The following CBARP variants were observed in gnomAD, a reference collection of about 807,000 sequenced individuals.
CBARP encodes CACN subunit beta associated regulatory protein.
In CBARP, 24 loss-of-function variants were observed where a neutral mutation model predicts 36.3. That is an observed-to-expected ratio of 0.66 (90% CI 0.48 to 0.93). CBARP has a LOEUF of 0.93. Among genes scored for constraint, CBARP ranks in the 40% least tolerant of loss-of-function variants. The probability of loss-of-function intolerance (pLI) is 0.00; values close to 1 mark genes in which losing one functional copy is unlikely to be tolerated. For missense variants in CBARP, 1,146 were observed against 980.4 expected (o/e 1.17, Z -2.26); for synonymous variants, 586 against 453.2 (o/e 1.29, Z -3.72).
intron 9 of CBARP, 144 bp downstream of exon 9, chr19:1,230,957 C>T: frequency 6.4e-7 from 1 of 1,573,156 alleles, no homozygotes. Flanking sequence ...AGTGAGTCCG[C>T]CTCTGGGAGG....
At chr19:1,233,717 G>C in intron 7 of CBARP, 81 bp from the exon 8 acceptor site, 1 of 1,350,454 alleles carries the variant, frequency 7.4e-7, no homozygotes, top group Admixed American at 2.3e-5. Flanking sequence ...GTAGGTCTGA[G>C]AGACAGTCCC....
At position 1,236,024 on chromosome 19, in the gene CBARP, G is replaced by T; in HGVS notation, c.77C>A (p.Ser26Ter). The T allele has an allele frequency of 6.5e-7, 1 of 1,544,164 alleles. No individual in the cohort carries two copies. The change falls in exon 2 of 10, where the codon TCG becomes TAG. Residue 26 changes from serine to a stop codon, truncating the protein, a stop_gained. Transcript: ENST00000650044. LOFTEE classifies it high-confidence loss of function. ...TTTATVALTT[S>*]WDNATGRPTA... ...GGGGCGTCCAGTGGCATTGTCCCAC[G>T]ACGTCGTCAGGGCTACTGTGGCAGT...
chr19:1,230,029 C>CGCTCGGCGTCCG lies in CBARP; in HGVS notation c.1256_1267dup (p.Pro419_Glu422dup). ...CTGGGCCTGCTCGGGGCCCGCGTCC[C>CGCTCGGCGTCCG]GCTCGGCGTCCGGCTCCAGTGGCGG... On this transcript the variant is annotated inframe_insertion, in exon 10 of 10. Coordinates refer to ENST00000650044, the MANE Select transcript of CBARP (RefSeq NM_001393918.1). 8.2e-7 allele frequency: 1 copy of CGCTCGGCGTCCG among 1,226,602 alleles called. No homozygotes were observed. The highest frequency in any genetic ancestry group is 1.6e-5 in the African/African-American group (1 of 60,854). 76.0% of individuals were successfully genotyped at this position (1,226,602 alleles called of 1,614,324 possible).
At position 1,234,997 on chromosome 19, in the gene CBARP, T is replaced by C. The variant is rs1180357499; in HGVS notation, c.455+4A>G. On this transcript the variant is annotated splice_donor_region_variant and intron_variant, in intron 5 of 9. Coordinates refer to ENST00000650044, the MANE Select transcript of CBARP (RefSeq NM_001393918.1). ...GGGGTGCCTCCCAACGCCGCCCCGCTTACCGGCGACCCTTGTCCTGCGTCT... is the reference window on the plus strand; with the variant it reads ...GGGGTGCCTCCCAACGCCGCCCCGCCTACCGGCGACCCTTGTCCTGCGTCT... 6.3e-7 allele frequency: 1 copy of C among 1,598,502 alleles called. No homozygotes were observed. Among genetic ancestry groups the C allele is most frequent in the Non-Finnish European group, 8.5e-7 (1 of 1,170,282 alleles).
intron 9 of CBARP, 111 bp downstream of exon 9, chr19:1,230,990 G>C: frequency 6.4e-7 from 1 of 1,550,868 alleles, no homozygotes; most frequent in East Asian, 2.3e-5. Context: ...GGAGGCAGGC[G>C]AGCGCGTGTC....
intron 9 of CBARP, 143 bp from the exon 10 acceptor site, chr19:1,230,285 G>A (rs1568729045): frequency 3.0e-6 from 3 of 991,196 alleles, no homozygotes; most frequent in Non-Finnish European, 3.6e-6. Context: ...GCTTTAAAAT[G>A]AGCCAGTGTG....
intron 9 of CBARP, chr19:1,230,382 G>A (rs2080874334): frequency 3.0e-6 from 3 of 987,112 alleles, no homozygotes; most frequent in Non-Finnish European, 3.6e-6. Context: ...TGCAGACGGC[G>A]GGGCCCCCTC....
intron 8 of CBARP, among the ~76,000 whole-genome samples, chr19:1,233,191 C>T (rs963172835): frequency 6.6e-5 from 10 of 152,224 alleles, no homozygotes; most frequent in South Asian, 2.1e-4. Flanking sequence ...AAAGCCTTCC[C>T]GCACAGGTTC....
At position 1,235,473 on chromosome 19, in the gene CBARP, C is replaced by G. The variant is rs369190111; in HGVS notation, c.310+28G>C. ...GCCGAGGGGCGGATGGACAGGCGAGCGCACAGCCAGGCTGGCCAGCACCTC... is the reference window on the plus strand; with the variant it reads ...GCCGAGGGGCGGATGGACAGGCGAGGGCACAGCCAGGCTGGCCAGCACCTC... On this transcript the variant is annotated intron_variant, in intron 4 of 9. Transcript: ENST00000650044. The G allele has an allele frequency of 5.8e-6, 9 of 1,557,852 alleles. No individual in the cohort carries two copies. The Admixed American group carries it at 6.2e-5, about 11-fold the overall frequency.
At chr19:1,231,570 C>T (rs1308861030) in intron 8 of CBARP, among the ~76,000 whole-genome samples, 1 of 93,216 alleles carries the variant, frequency 1.1e-5, no homozygotes, top group Admixed American at 9.3e-5. Flanking sequence ...GTGCCCCCCC[C>T]ACAGAACGCC....
intron 8 of CBARP, among the ~76,000 whole-genome samples, chr19:1,231,515 C>T (rs113789754): frequency 0.026 from 2,025 of 76,810 alleles, 88 homozygotes; most frequent in East Asian, 0.11. Context: ...AACGCCTGTG[C>T]CCCCCACCAC....
intron 1 of CBARP, 134 bp from the exon 2 acceptor site, chr19:1,236,255 C>T (rs1221890722): frequency 8.1e-6 from 10 of 1,241,232 alleles, no homozygotes; most frequent in Admixed American, 7.7e-5. Flanking sequence ...GTAGCAGAGC[C>T]GGAGGCAGCC....
At position 1,231,250 on chromosome 19, in the gene CBARP, C is replaced by G. The variant is rs750747430; in HGVS notation, c.1005G>C (p.Gln335His). 6.2e-7 allele frequency: 1 copy of G among 1,601,698 alleles called. No homozygotes were observed. Among genetic ancestry groups the G allele is most frequent in the South Asian group, 1.1e-5 (1 of 91,074 alleles). ...TRGSPKRHHF[Q>H]RQRAASESTE... is the part of the protein sequence containing the mutation. ...TGCTCTCACTGGCTGCCCGCTGCCG[C>G]TGGAAGTGGTGCCGCTTGGGGGAAC... The change falls in exon 9 of 10, where the codon CAG (glutamine) becomes CAC (histidine). Residue 335 changes from glutamine to histidine, a missense_variant. Transcript: ENST00000650044.
rs896514748 is a variant in CBARP, at chr19:1,237,760, G to C, written c.-26C>G. 35 of 150,176 alleles carry C rather than the reference G, an allele frequency of 2.3e-4. 1 individual carries two copies. Among genetic ancestry groups the C allele is most frequent in the Admixed American group, 6.6e-4 (10 of 15,146 alleles). 9.3% of individuals were successfully genotyped at this position (150,176 alleles called of 1,614,324 possible). On this transcript the variant is annotated 5_prime_UTR_variant, in exon 1 of 10. Coordinates refer to ENST00000650044, the MANE Select transcript of CBARP (RefSeq NM_001393918.1). ...CCCCGAGCCCGCCGCGCCTACCTCA[G>C]CGCCGGGACGAGCGGCCCATGGGCG...
rs373046882 is a variant in CBARP, at chr19:1,234,540, G to A, written c.627+31C>T. On this transcript the variant is annotated intron_variant, in intron 6 of 9. Transcript: ENST00000650044. Reference sequence around the variant, plus strand: ...TCCCCGGGGCTGCCTCCCGTCCCCCGAGGAACCGGGGCTGCTGCCCATAGG... The same window carrying A: ...TCCCCGGGGCTGCCTCCCGTCCCCCAAGGAACCGGGGCTGCTGCCCATAGG... 56 of 1,570,884 alleles carry A rather than the reference G, an allele frequency of 3.6e-5. No individual in the cohort carries two copies. The African/African-American group carries it at 4.3e-4, about 12-fold the overall frequency.
chr19:1,233,324 C>A, intron 8 of CBARP, 102 bp downstream of exon 8: 1 of 1,211,826 alleles, frequency 8.3e-7, no homozygotes. Flanking sequence ...CACCGGCTCC[C>A]CACCCAGCCC....
Position 1,229,415 on chromosome 19 carries a change from C to T in CBARP, c.1882G>A (p.Gly628Ser), listed in dbSNP as rs1186464031. ...TCGCCGGCGCCGCCCAGGGTGCGAC[C>T]GTCGGGCGGGCCGTCCACGCTGTCG... ...RGDSVDGPPDGRTLGGAGDDP... is the reference protein window; with the variant it reads ...RGDSVDGPPDSRTLGGAGDDP... Residue 628 changes from glycine to serine, a missense_variant, in exon 10 of 10, where the codon GGT becomes AGT. Physicochemically the swap from Gly to Ser is moderately conservative, Grantham distance 56. Transcript: ENST00000650044. The surrounding 1 kb of genome is among the most constrained non-coding windows in gnomAD (Gnocchi z 5.1). 2 of 1,022,124 alleles carry T rather than the reference C, an allele frequency of 2.0e-6. No homozygotes were observed. Among genetic ancestry groups the T allele is most frequent in the Non-Finnish European group, 2.4e-6 (2 of 849,772 alleles). 63.3% of individuals were successfully genotyped at this position (1,022,124 alleles called of 1,614,324 possible).
rs369946345 is a variant in CBARP at position 1,233,559 on chromosome 19, G to A, written c.846C>T (p.Ser282=). The change falls in exon 8 of 10, where the codon TCC becomes TCT. Residue 282 remains serine, a synonymous_variant. Transcript: ENST00000650044. ...AAGPGEAGPG[S]GAGTVLQFLT... ...GGAACTGCAGAACGGTACCTGCCCC[G>A]GATCCCGGGCCCGCCTCCCCAGGCC... 1.7e-4 allele frequency: 277 copies of A among 1,608,722 alleles called. No homozygotes were observed. Among genetic ancestry groups the A allele is most frequent in the Non-Finnish European group, 2.2e-4 (258 of 1,178,434 alleles).
At chr19:1,237,524 C>A (rs914086260) in intron 1 of CBARP, among the ~76,000 whole-genome samples, 1 of 152,052 alleles carries the variant, frequency 6.6e-6, no homozygotes, top group African/African-American at 2.4e-5. Context: ...CAGGGCTGAG[C>A]CGAGACGCCA....
Sources: allele counts gnomAD v4.1 joint callset (sites outside exome capture counted in the v4.1 genomes callset), GRCh38; gene constraint gnomAD v4.1.1; non-coding constraint Gnocchi (gnomAD v3.1); transcripts MANE v1.5; gene names NCBI Gene and HGNC (gene_info 2026-07-23, HGNC 2026-07-21).